SLC38A6: variants seen among roughly 807,000 people sequenced by gnomAD.
The protein encoded by SLC38A6 is solute carrier family 38 member 6, also known as N system amino acid transporter NAT-1.
A neutral mutation model predicts 65.0 loss-of-function variants in SLC38A6; 73 were observed. The ratio of observed to expected loss-of-function variants is 1.12; its 90% CI spans 0.93 to 1.37. SLC38A6 has a LOEUF of 1.37. Ranked by LOEUF, SLC38A6 falls within the 40% of genes most tolerant of loss-of-function variation. The pLI is 0.00. For missense variants in SLC38A6, 561 were observed against 531.1 expected, an observed-to-expected ratio of 1.06 and a Z score of -0.55; for synonymous variants, 183 against 178.8, an observed-to-expected ratio of 1.02 and a Z score of -0.19.
intron 15 of SLC38A6, among the ~76,000 whole-genome samples, chr14:61,065,185 C>T (rs1276586676): frequency 6.6e-6 from 1 of 152,010 alleles, no homozygotes; most frequent in Non-Finnish European, 1.5e-5. Context: ...GGTATAGAAT[C>T]GAGGTCTTGA....
intron 15 of SLC38A6, among the ~76,000 whole-genome samples, chr14:61,070,300 T>A (rs1196000224): frequency 6.6e-6 from 1 of 152,234 alleles, no homozygotes; most frequent in Non-Finnish European, 1.5e-5. Context: ...CAAGGAATCA[T>A]GTAGTATTTT....
intron 15 of SLC38A6, among the ~76,000 whole-genome samples, chr14:61,072,209 T>TC (rs2043253131): frequency 1.3e-5 from 2 of 152,074 alleles, no homozygotes; most frequent in African/African-American, 4.8e-5. Flanking sequence ...CAAAGGCACT[T>TC]TTATTTTATT....
At chr14:61,081,426 G>C (rs954801118) in intron 16 of SLC38A6, among the ~76,000 whole-genome samples, 2 of 151,222 alleles carry the variant, frequency 1.3e-5, no homozygotes, top group Admixed American at 6.6e-5. Flanking sequence ...AGCCTTTCCT[G>C]ACCACCCATC....
At chr14:60,995,681 A>G (rs1194008427) in intron 3 of SLC38A6, among the ~76,000 whole-genome samples, 1 of 152,132 alleles carries the variant, frequency 6.6e-6, no homozygotes, top group Non-Finnish European at 1.5e-5. Context: ...GAGAGGGTAG[A>G]TACGTTAATT....
At chr14:61,049,788 G>A (rs970339699) in intron 12 of SLC38A6, among the ~76,000 whole-genome samples, 5 of 152,050 alleles carry the variant, frequency 3.3e-5, no homozygotes, top group African/African-American at 1.2e-4. Context: ...ACAAAACACT[G>A]ATATCCAGTG....
At chr14:60,998,104 G>A (rs982539935) in intron 3 of SLC38A6, among the ~76,000 whole-genome samples, 3 of 151,258 alleles carry the variant, frequency 2.0e-5, no homozygotes, top group African/African-American at 7.3e-5. Context: ...TATGTATAAG[G>A]CATAGTGATA....
intron 15 of SLC38A6, among the ~76,000 whole-genome samples, chr14:61,063,683 T>C (rs4902024): frequency 0.88 from 133,260 of 152,178 alleles, 59,216 homozygotes; most frequent in Non-Finnish European, 0.96. Context: ...AATTGACAAC[T>C]GAGCTTCTCT....
chr14:61,034,159 A>G (rs1459181637), intron 6 of SLC38A6: 1 of 152,156 alleles, frequency 6.6e-6, no homozygotes, highest in African/African-American at 2.4e-5. Context: ...GGTCAGTTAT[A>G]TGACTTTTAT....
chr14:61,025,383 C>T (rs2139620339), intron 5 of SLC38A6, among the ~76,000 whole-genome samples: 1 of 152,100 alleles, frequency 6.6e-6, no homozygotes, highest in South Asian at 2.1e-4. Context: ...TTTGTATTGT[C>T]TCTTGGGAAA....
chr14:61,043,351 T>C, intron 9 of SLC38A6, 99 bp from the exon 10 acceptor site: 1 of 1,119,716 alleles, frequency 8.9e-7, no homozygotes, highest in East Asian at 2.5e-5. Context: ...AATACTTTCA[T>C]TTGAAAGCCT....
intron 3 of SLC38A6, among the ~76,000 whole-genome samples, chr14:60,999,360 T>A (rs894846758): frequency 6.6e-6 from 1 of 152,224 alleles, no homozygotes; most frequent in Non-Finnish European, 1.5e-5. Flanking sequence ...GTAATGATAA[T>A]GGAATAAAGA....
At chr14:61,044,471 C>G (rs940075251) in intron 10 of SLC38A6, among the ~76,000 whole-genome samples, 3 of 152,144 alleles carry the variant, frequency 2.0e-5, no homozygotes, top group Non-Finnish European at 4.4e-5. Flanking sequence ...TCTCATTTTC[C>G]TAGTCCAGCC....
chr14:61,033,975 G>C (rs985391029), intron 6 of SLC38A6: 4 of 152,164 alleles, frequency 2.6e-5, no homozygotes, highest in African/African-American at 9.7e-5. Context: ...GTATCTGAAA[G>C]TATTTCCATT....
intron 2 of SLC38A6, among the ~76,000 whole-genome samples, 172 bp from the exon 3 acceptor site, chr14:60,984,558 A>T (rs1047146306): frequency 6.6e-6 from 1 of 152,166 alleles, no homozygotes; most frequent in African/African-American, 2.4e-5. Context: ...AAAATTGGTA[A>T]ATACAAAAAA....
rs2037325106 is a variant in SLC38A6 at position 60,984,723 on chromosome 14, G to A, written c.237-7G>A. 1 of 1,613,762 alleles carries A rather than the reference G, an allele frequency of 6.2e-7. No individual in the cohort carries two copies. The highest frequency in any genetic ancestry group is 8.5e-7 in the Non-Finnish European group (1 of 1,179,872). On this transcript the variant is annotated splice_region_variant and splice_polypyrimidine_tract_variant and intron_variant, in intron 2 of 15. Transcript: ENST00000267488. ...AGGTTTTGACCAGGTGTTCTTTTAT[G>A]TTTTAGCTTCTTGCTGCTGACAGTT...
Position 60,982,555 on chromosome 14 carries a change from G to C in SLC38A6, c.153G>C (p.Val51=). 6.2e-7 allele frequency: 1 copy of C among 1,613,952 alleles called. No homozygotes were observed. Among genetic ancestry groups the C allele is most frequent in the Non-Finnish European group, 8.5e-7 (1 of 1,179,984 alleles). Residue 51 remains valine (V), a synonymous_variant, in exon 2 of 16, where the codon GTG becomes GTC. Transcript: ENST00000267488. ...RSPGVSFGLS[V]FNLMNAIMGS... ...CAGGTGTTTCATTTGGTTTATCAGT[G>C]TTTAATTTGATGAATGCCATCATGG...
chr14:60,990,882 C>T (rs144873734), intron 3 of SLC38A6, among the ~76,000 whole-genome samples: 213 of 152,194 alleles, frequency 1.4e-3, no homozygotes, highest in Admixed American at 5.0e-3. Context: ...TGGGCTCTTA[C>T]CACGATGCCT....
chr14:61,033,617 C>G (rs2041153968), intron 6 of SLC38A6, among the ~76,000 whole-genome samples: 1 of 151,912 alleles, frequency 6.6e-6, no homozygotes, highest in Non-Finnish European at 1.5e-5. Context: ...GTTTGTTTTT[C>G]TCAGGCAGCA....
intron 16 of SLC38A6, among the ~76,000 whole-genome samples, chr14:61,079,133 CTT>C (rs34713691): frequency 6.4e-5 from 6 of 93,884 alleles, no homozygotes; most frequent in South Asian, 3.5e-4. Context: ...TGCCTCCAAA[CTT>C]TTTTTTTTTT....
Sources: allele counts gnomAD v4.1 joint callset (sites outside exome capture counted in the v4.1 genomes callset), GRCh38; gene constraint gnomAD v4.1.1; transcripts MANE v1.5; gene names NCBI Gene and HGNC (gene_info 2026-07-23, HGNC 2026-07-21).